Variants in GLIPR1 observed in about 807,000 individuals in gnomAD.
GLIPR1 encodes the protein GLI pathogenesis related 1, also known as glioma pathogenesis-related protein 1.
In GLIPR1, 38 loss-of-function variants were observed where a neutral mutation model predicts 30.3. The ratio of observed to expected loss-of-function variants is 1.26; its 90% CI spans 0.97 to 1.65. The LOEUF (loss-of-function observed/expected upper bound fraction) is 1.65. GLIPR1 is among the 40% of genes most tolerant of loss of function. The pLI, the probability that GLIPR1 is intolerant of heterozygous loss-of-function variation, is 0.00. For synonymous variants in GLIPR1, 122 were observed against 110.6 expected (o/e 1.10, Z -0.65); for missense variants, 285 against 326.5 (o/e 0.87, Z 0.98).
chr12:75,490,478 C>T lies in GLIPR1; in HGVS notation c.493C>T (p.Leu165Phe), dbSNP rs371744227. Reference sequence around the variant, plus strand: ...CCCTAAAGTTTCTGGCTTTGACGCTCTTTCCAATGGAGCACATTTTATATG... The same window carrying T: ...CCCTAAAGTTTCTGGCTTTGACGCTTTTTCCAATGGAGCACATTTTATATG... ...FCPKVSGFDA[L>F]SNGAHFICNY... Residue 165 changes from leucine (L) to phenylalanine (F), a missense_variant, in exon 3 of 6, where the codon CTT becomes TTT. Leu to Phe is a conservative substitution (Grantham distance 22). Coordinates refer to ENST00000266659, the MANE Select transcript of GLIPR1 (RefSeq NM_006851.3). 2.8e-6 allele frequency: 4 copies of T among 1,451,692 alleles called. No homozygotes were observed. Among genetic ancestry groups the T allele is most frequent in the Middle Eastern group, 1.9e-4 (1 of 5,292 alleles). The allele number at this position is 1,451,692 out of a possible 1,614,324, so 89.9% of individuals were successfully genotyped here.
chr12:75,496,227 C>T (rs61933362), intron 4 of GLIPR1: 36,971 of 151,632 alleles, frequency 0.24, 4,733 homozygotes, highest in South Asian at 0.32. Flanking sequence ...TGGTGGTGGA[C>T]GCCCGTAACC....
intron 3 of GLIPR1, 42 bp downstream of exon 3, chr12:75,490,560 C>CAA: frequency 5.3e-6 from 1 of 188,604 alleles, no homozygotes; most frequent in East Asian, 1.1e-4. Flanking sequence ...ACGCCCCCCC[C>CAA]CCCCCGCAAA....
chr12:75,501,512 G>T lies in GLIPR1; in HGVS notation c.*2534G>T. ...AAGCACAGACCAGAGGTCAGGAGAG[G>T]ACTGTCAATCCAGTTTGCACTGAAA... On this transcript the variant is annotated 3_prime_UTR_variant, in exon 6 of 6. Coordinates refer to ENST00000266659, the MANE Select transcript of GLIPR1 (RefSeq NM_006851.3). 2 of 523,228 alleles carry T rather than the reference G, an allele frequency of 3.8e-6. No homozygotes were observed. The highest frequency in any genetic ancestry group is 3.2e-5 in the East Asian group (1 of 31,416). 32.4% of individuals were successfully genotyped at this position (523,228 alleles called of 1,614,324 possible).
intron 2 of GLIPR1, among the ~76,000 whole-genome samples, chr12:75,485,707 C>T (rs1053234052): frequency 2.0e-4 from 31 of 151,556 alleles, no homozygotes; most frequent in African/African-American, 7.2e-4. Context: ...CCCGCCACTA[C>T]GCCCGGCTAA....
rs1421828726 is a variant in GLIPR1, at chr12:75,499,778, A to AGATAGTTCTAGTCAAGGAGTTTTGG, written c.*802_*826dup. 2.6e-6 allele frequency: 4 copies of AGATAGTTCTAGTCAAGGAGTTTTGG among 1,536,972 alleles called. No individual in the cohort carries two copies. In the Admixed American group the frequency reaches 7.9e-5, roughly 31 times the overall value. ...ATATCTCAAAATCCTTTACAAAAGG[A>AGATAGTTCTAGTCAAGGAGTTTTGG]GATAGTTCTAGTCAAGGAGTTTTGG... On this transcript the variant is annotated 3_prime_UTR_variant, in exon 6 of 6. Coordinates refer to ENST00000266659, the MANE Select transcript of GLIPR1 (RefSeq NM_006851.3).
chr12:75,490,639 TAAATAAA>T (rs1184907973), intron 3 of GLIPR1, 121 bp downstream of exon 3: 1 of 569,486 alleles, frequency 1.8e-6, no homozygotes, highest in African/African-American at 2.1e-5. Context: ...GGATAAAGTA[TAAATAAA>T]AAATTAACAT....
At chr12:75,493,687 C>G (rs1283224473) in intron 3 of GLIPR1, 1 of 152,158 alleles carries the variant, frequency 6.6e-6, no homozygotes, top group Non-Finnish European at 1.5e-5. Context: ...TAACCCCAAC[C>G]CTCTTCTCTC....
intron 3 of GLIPR1, 47 bp from the exon 4 acceptor site, chr12:75,495,530 T>TA (rs767945471): frequency 9.0e-7 from 1 of 1,114,482 alleles, no homozygotes; most frequent in Non-Finnish European, 1.4e-6. Flanking sequence ...ATTGCAATTT[T>TA]AAAAAACCGA....
Position 75,498,895 on chromosome 12 carries a change from G to GTTAA in GLIPR1, c.721_724dup (p.Ser242Ter). 1 of 1,608,238 alleles carries GTTAA rather than the reference G, an allele frequency of 6.2e-7. No homozygotes were observed. The highest frequency in any genetic ancestry group is 8.5e-7 in the Non-Finnish European group (1 of 1,175,082). On this transcript the variant is annotated frameshift_variant, in exon 6 of 6. Coordinates refer to ENST00000266659, the MANE Select transcript of GLIPR1 (RefSeq NM_006851.3). LOFTEE classifies it high-confidence loss of function. ...CAGATACACTTCTCTCTTTCTCATTGTTAATTCAGTAATTCTAATACTGTC... is the reference window on the plus strand; with the variant it reads ...CAGATACACTTCTCTCTTTCTCATTGTTAATTAATTCAGTAATTCTAATACTGTC...
chr12:75,493,648 A>G (rs1160571416), intron 3 of GLIPR1: 1 of 152,144 alleles, frequency 6.6e-6, no homozygotes, highest in East Asian at 1.9e-4. Context: ...TTCTTTAAAG[A>G]TTTGTCTTCG....
rs544893044 is a variant in GLIPR1, at chr12:75,498,839, T to A, written c.662T>A (p.Val221Glu). The A allele has an allele frequency of 6.8e-5, 110 of 1,612,536 alleles. 2 individuals carry two copies. In the South Asian group the frequency reaches 1.2e-3, roughly 17 times the overall value. ...TGTTTCACAGGTTACTACTCTGTTG[T>A]ATATCCAGGCTGGCCCATATATCCA... Reference protein sequence around the residue: ...RDQVKRYYSVVYPGWPIYPRN... With the variant: ...RDQVKRYYSVEYPGWPIYPRN... The change falls in exon 6 of 6, where the codon GTA becomes GAA. Residue 221 changes from valine to glutamate, a missense_variant. Coordinates refer to ENST00000266659, the MANE Select transcript of GLIPR1 (RefSeq NM_006851.3).
chr12:75,490,919 C>T (rs1477811735), intron 3 of GLIPR1: 2 of 156,232 alleles, frequency 1.3e-5, no homozygotes, highest in African/African-American at 4.8e-5. Flanking sequence ...CAAAGCAAAA[C>T]AGATTCCTCA....
chr12:75,494,562 CAATTT>C (rs2046339644), intron 3 of GLIPR1: 1 of 152,228 alleles, frequency 6.6e-6, no homozygotes, highest in African/African-American at 2.4e-5. Flanking sequence ...ATAACTATTT[CAATTT>C]AATTGGTTTC....
rs1359483796 is a variant in GLIPR1, at chr12:75,501,950, C to T, written c.*2972C>T. On this transcript the variant is annotated 3_prime_UTR_variant, in exon 6 of 6. Transcript: ENST00000266659. ...TTATTGCTTCCATTTTCTGCCGCTT[C>T]TTCTGATTTGCCTTCAAAAAGTATT... is the stretch of plus-strand genomic sequence containing the variant. 1 of 1,612,508 alleles carries T rather than the reference C, an allele frequency of 6.2e-7. No individual in the cohort carries two copies. Among genetic ancestry groups the T allele is most frequent in the African/African-American group, 1.3e-5 (1 of 74,808 alleles).
chr12:75,490,272 C>A (rs1312131630), intron 2 of GLIPR1, 134 bp from the exon 3 acceptor site: 1 of 597,702 alleles, frequency 1.7e-6, no homozygotes, highest in East Asian at 2.9e-5. Context: ...CAGCTGATTT[C>A]TGAGTATCTA....
At position 75,503,750 on chromosome 12, in the gene GLIPR1, A is replaced by G; in HGVS notation, c.*4772A>G. ...CATGCACTCAGCTCAAAATATGCCT[A>G]TTTATATTTACCCTCAGTTTCTTAT... On this transcript the variant is annotated 3_prime_UTR_variant, in exon 6 of 6. Transcript: ENST00000266659. 1 of 622,870 alleles carries G rather than the reference A, an allele frequency of 1.6e-6. No homozygotes were observed. Among genetic ancestry groups the G allele is most frequent in the Admixed American group, 3.1e-5 (1 of 31,944 alleles). The allele number at this position is 622,870 out of a possible 1,614,324, so 38.6% of individuals were successfully genotyped here.
intron 1 of GLIPR1, 115 bp from the exon 2 acceptor site, chr12:75,481,719 T>C (rs2046271701): frequency 2.3e-6 from 2 of 858,420 alleles, no homozygotes; most frequent in African/African-American, 1.7e-5. Flanking sequence ...AGAGGACTCA[T>C]ATGCAGTGGT....
rs1173000975 is a variant in GLIPR1 at position 75,490,233 on chromosome 12, A to ACACC, written c.421-172_421-171insACCC. Among the ~76,000 whole-genome samples, 170 of 145,394 alleles carry ACACC rather than the reference A, an allele frequency of 1.2e-3. 1 individual carries two copies. Among genetic ancestry groups the ACACC allele is most frequent in the African/African-American group, 2.3e-3 (90 of 38,924 alleles). On this transcript the variant is annotated intron_variant, in intron 2 of 5. Transcript: ENST00000266659. ...CACACACACACACACACACACACAC[A>ACACC]CCCCAATAATGGTAACTACAGGTCT...
At chr12:75,488,498 T>C (rs2046303940) in intron 2 of GLIPR1, among the ~76,000 whole-genome samples, 1 of 151,998 alleles carries the variant, frequency 6.6e-6, no homozygotes, top group African/African-American at 2.4e-5. Context: ...GATTGCACCA[T>C]TGCACTCCAG....
Sources: gnomAD v4.1 joint callset for allele counts (sites outside exome capture counted in the v4.1 genomes callset) on GRCh38, gnomAD v4.1.1 for gene constraint, MANE v1.5 for transcripts, NCBI Gene and HGNC (gene_info 2026-07-23, HGNC 2026-07-21) for gene names.